ACER3: variants seen among roughly 807,000 people sequenced by gnomAD.
ACER3 encodes the protein alkaline ceramidase 3, also known as alkCDase 3.
A neutral mutation model predicts 48.9 loss-of-function variants in ACER3; 16 were observed. That is an observed-to-expected ratio of 0.33 (90% CI 0.22 to 0.50). The LOEUF is 0.50. ACER3 is among the 20% of genes least tolerant of loss of function. ACER3 has a pLI of 0.98. For synonymous variants in ACER3, 109 were observed against 107.8 expected (o/e 1.01, Z -0.07); for missense variants, 227 against 326.0 (o/e 0.70, Z 2.34).
At chr11:76,969,273 A>T (rs1437443436) in intron 3 of ACER3, among the ~76,000 whole-genome samples, 2 of 152,210 alleles carry the variant, frequency 1.3e-5, no homozygotes, top group East Asian at 1.9e-4. Context: ...TAGAATGGTG[A>T]TCATTAAAAA....
intron 1 of ACER3, among the ~76,000 whole-genome samples, chr11:76,876,077 G>A (rs749447714): frequency 1.6e-4 from 25 of 152,110 alleles, no homozygotes; most frequent in South Asian, 2.1e-4. Flanking sequence ...TTACAGGCAT[G>A]AGCCACCACG....
At chr11:76,973,994 T>G (rs1334018704) in intron 3 of ACER3, among the ~76,000 whole-genome samples, 1 of 152,218 alleles carries the variant, frequency 6.6e-6, no homozygotes, top group Non-Finnish European at 1.5e-5. Context: ...CTTTCCTTAT[T>G]GAGTTGTCTT....
At chr11:76,950,411 A>ATAT (rs1277575730) in intron 2 of ACER3, among the ~76,000 whole-genome samples, 276 of 22,808 alleles carry the variant, frequency 0.012, 104 homozygotes, top group Non-Finnish European at 0.033. Context: ...ATATATATAT[A>ATAT]ATTTACACAT....
At chr11:76,927,599 T>G (rs1198106132) in intron 2 of ACER3, among the ~76,000 whole-genome samples, 2 of 152,030 alleles carry the variant, frequency 1.3e-5, no homozygotes, top group Non-Finnish European at 2.9e-5. Flanking sequence ...CCTAATGCTA[T>G]CCCTCCCCCC....
intron 1 of ACER3, among the ~76,000 whole-genome samples, chr11:76,862,478 C>G (rs1282916464): frequency 2.6e-5 from 4 of 152,144 alleles, no homozygotes; most frequent in African/African-American, 9.7e-5. Context: ...GCAAAGGAAG[C>G]GCTTTACCAG....
At chr11:76,908,240 GTATGATTGTATATTTAGAAAA>G (rs1358096524) in intron 1 of ACER3, among the ~76,000 whole-genome samples, 1 of 152,096 alleles carries the variant, frequency 6.6e-6, no homozygotes, top group Non-Finnish European at 1.5e-5. Context: ...CATCTTGATT[GTATGATTGTATATTTAGAAAA>G]TATGATTGTA....
At chr11:76,893,652 CA>C (rs984217362) in intron 1 of ACER3, among the ~76,000 whole-genome samples, 2 of 151,952 alleles carry the variant, frequency 1.3e-5, no homozygotes, top group East Asian at 1.9e-4. Flanking sequence ...GATCCTATCT[CA>C]AAAAACAGAG....
rs921472312 is a variant in ACER3, at chr11:77,025,459, G to C, written c.*5132G>C. On this transcript the variant is annotated 3_prime_UTR_variant, in exon 11 of 11. Coordinates refer to ENST00000532485, the MANE Select transcript of ACER3 (RefSeq NM_018367.7). ...GTCTCTCTCTGTCACCCACGCTGGA[G>C]TGCAGTGGCAGGATCTCAACTCATT... The C allele has an allele frequency of 2.0e-5, 3 of 149,048 alleles. 1 individual carries two copies. Among genetic ancestry groups the C allele is most frequent in the Admixed American group, 2.0e-4 (3 of 15,056 alleles). 9.2% of individuals were successfully genotyped at this position (149,048 alleles called of 1,614,324 possible).
chr11:76,953,947 C>CT lies in ACER3; in HGVS notation c.215-5015dup, dbSNP rs71043520. Among the ~76,000 whole-genome samples, 347 of 129,994 alleles carry CT rather than the reference C, an allele frequency of 2.7e-3. 1 individual carries two copies. Among genetic ancestry groups the CT allele is most frequent in the Non-Finnish European group, 3.8e-3 (229 of 60,128 alleles). 85.3% of individuals were successfully genotyped at this position (129,994 alleles called of 152,430 possible). ...AGATTTTAACATCGCTTTAAAAGTT[C>CT]TTTTTTTTTTTTTTTTTGAGATGGA... On this transcript the variant is annotated intron_variant, in intron 2 of 10. Transcript: ENST00000532485.
At chr11:76,946,241 C>G (rs1161289296) in intron 2 of ACER3, among the ~76,000 whole-genome samples, 2 of 152,166 alleles carry the variant, frequency 1.3e-5, no homozygotes, top group Non-Finnish European at 2.9e-5. Flanking sequence ...CAAACTGAGC[C>G]CAAGGGCAAG....
chr11:77,008,114 A>G (rs1364778515), intron 7 of ACER3, among the ~76,000 whole-genome samples: 8 of 152,164 alleles, frequency 5.3e-5, no homozygotes, highest in African/African-American at 1.7e-4. Context: ...CCACTGTATC[A>G]TTTCTCAGGT....
At chr11:76,874,254 TATC>T (rs1945311753) in intron 1 of ACER3, among the ~76,000 whole-genome samples, 1 of 152,196 alleles carries the variant, frequency 6.6e-6, no homozygotes, top group South Asian at 2.1e-4. Flanking sequence ...CCTTATCAAA[TATC>T]ATTTTTCTCA....
intron 7 of ACER3, among the ~76,000 whole-genome samples, chr11:77,012,664 G>T (rs1324193610): frequency 6.6e-6 from 1 of 152,104 alleles, no homozygotes; most frequent in African/African-American, 2.4e-5. Flanking sequence ...GAGAGAAATT[G>T]AAGAGCTAGA....
intron 7 of ACER3, chr11:77,011,448 C>G: frequency 1.1e-6 from 1 of 895,502 alleles, no homozygotes; most frequent in Non-Finnish European, 1.3e-6. Context: ...TATTTCAGTA[C>G]CTGGCCCACA....
rs1949494858 is a variant in ACER3 at position 77,022,892 on chromosome 11, A to G, written c.*2565A>G. ...TCAAAAAAAAAAAAAAAAAAAAAAAAGAAAAGAAAAGAAAATATAAGGATG... is the reference window on the plus strand; with the variant it reads ...TCAAAAAAAAAAAAAAAAAAAAAAAGGAAAAGAAAAGAAAATATAAGGATG... On this transcript the variant is annotated 3_prime_UTR_variant, in exon 11 of 11. Transcript: ENST00000532485. The G allele has an allele frequency of 2.9e-6, 1 of 341,234 alleles. No individual in the cohort carries two copies. Among genetic ancestry groups the G allele is most frequent in the Non-Finnish European group, 5.2e-6 (1 of 192,036 alleles). The allele number at this position is 341,234 out of a possible 1,614,324, so 21.1% of individuals were successfully genotyped here. A position where few individuals can be genotyped will look rare whatever the true frequency, so the allele number is the denominator to read the frequency against.
chr11:76,926,500 CTTTA>C (rs1946832843), intron 1 of ACER3, 53 bp from the exon 2 acceptor site: 2 of 1,022,466 alleles, frequency 2.0e-6, no homozygotes, highest in Non-Finnish European at 3.0e-6. Flanking sequence ...GTGAATGTAT[CTTTA>C]TTTAAAGTGT....
chr11:76,919,113 T>A (rs1258053569), intron 1 of ACER3, among the ~76,000 whole-genome samples: 2 of 152,208 alleles, frequency 1.3e-5, no homozygotes, highest in African/African-American at 2.4e-5. Flanking sequence ...CTTTTTCAGC[T>A]TCACTAGATT....
At chr11:77,005,980 T>TATAC (rs1949130044) in intron 7 of ACER3, among the ~76,000 whole-genome samples, 1 of 39,824 alleles carries the variant, frequency 2.5e-5, no homozygotes. Flanking sequence ...TACATATATA[T>TATAC]ATATATATAT....
chr11:76,959,223 T>A, intron 3 of ACER3, 192 bp downstream of exon 3: 1 of 1,464,968 alleles, frequency 6.8e-7, no homozygotes, highest in Non-Finnish European at 9.0e-7. Flanking sequence ...GGAAAACAAG[T>A]ACAAATAGTA....
Sources: gnomAD v4.1 joint callset for allele counts (sites outside exome capture counted in the v4.1 genomes callset) on GRCh38, gnomAD v4.1.1 for gene constraint, MANE v1.5 for transcripts, NCBI Gene and HGNC (gene_info 2026-07-23, HGNC 2026-07-21) for gene names.